Variants in BIN1 observed in about 807,000 individuals in gnomAD.
The protein encoded by BIN1 is myc box-dependent-interacting protein 1.
In BIN1, 53 loss-of-function variants were observed where a neutral mutation model predicts 82.0. The observed-to-expected ratio is 0.65, with a 90% CI of 0.52 to 0.81. The LOEUF (loss-of-function observed/expected upper bound fraction) is 0.81, where lower values mean the gene tolerates loss of function less well. Ranked by LOEUF, BIN1 falls within the 40% of genes least tolerant of loss-of-function variation. The pLI is 0.00. For synonymous variants in BIN1, 302 were observed against 328.0 expected, an observed-to-expected ratio of 0.92 and a Z score of 0.86; for missense variants, 642 against 784.4, an observed-to-expected ratio of 0.82 and a Z score of 2.17.
chr2:127,073,442 A>C (rs1042736363), intron 2 of BIN1, among the ~76,000 whole-genome samples: 2 of 152,174 alleles, frequency 1.3e-5, no homozygotes, highest in African/African-American at 4.8e-5. Flanking sequence ...CCTGTGTCCC[A>C]GCTACAGGAC....
intron 10 of BIN1, among the ~76,000 whole-genome samples, chr2:127,061,321 G>A (rs1236548694): frequency 6.6e-6 from 1 of 152,098 alleles, no homozygotes; most frequent in East Asian, 1.9e-4. Flanking sequence ...GGGAAGGAGG[G>A]GGCAATCACC....
Position 127,048,045 on chromosome 2 carries a change from CA to C in BIN1, c.*480del, listed in dbSNP as rs1208957246. On this transcript the variant is annotated 3_prime_UTR_variant, in exon 19 of 19. Transcript: ENST00000316724. ...ACACACGTTTTCTGAGAGTTTTTAT[CA>C]TTTTTTTTTTGTTTCATTTTGTTTT... is the stretch of plus-strand genomic sequence containing the variant. 3 of 195,804 alleles carry C rather than the reference CA, an allele frequency of 1.5e-5. No individual in the cohort carries two copies. The highest frequency in any genetic ancestry group is 2.4e-5 in the African/African-American group (1 of 41,824). The allele number at this position is 195,804 out of a possible 1,614,324, so 12.1% of individuals were successfully genotyped here. A position where few individuals can be genotyped will look rare whatever the true frequency, so the allele number is the denominator to read the frequency against.
rs17014893 is a variant in BIN1 at position 127,077,004 on chromosome 2, G to C, written c.85-298C>G. On this transcript the variant is annotated intron_variant, in intron 1 of 18. Transcript: ENST00000316724. Reference sequence around the variant, plus strand: ...GGCTTCAAAGATGGCAAGAAGGATCGGGCACCCTCCTAGCTGATCTCACAC... The same window carrying C: ...GGCTTCAAAGATGGCAAGAAGGATCCGGCACCCTCCTAGCTGATCTCACAC... 0.16 allele frequency among the ~76,000 whole-genome samples: 24,199 copies of C among 152,078 alleles called. 2,024 individuals carry two copies. The highest frequency in any genetic ancestry group is 0.25 in the South Asian group (1,185 of 4,814).
intron 18 of BIN1, among the ~76,000 whole-genome samples, chr2:127,049,673 C>A (rs763000268): frequency 4.6e-5 from 7 of 152,132 alleles, no homozygotes; most frequent in Non-Finnish European, 8.8e-5. Context: ...GCCCACATGG[C>A]ACCACCGACC....
rs1678781450 is a variant in BIN1 at position 127,090,510 on chromosome 2, C to G, written c.85-13804G>C. On this transcript the variant is annotated intron_variant, in intron 1 of 18. Coordinates refer to ENST00000316724, the MANE Select transcript of BIN1 (RefSeq NM_139343.3). The surrounding 1 kb of genome is among the most constrained non-coding windows in gnomAD (Gnocchi z 6.4). The stretch of plus-strand genomic sequence containing the variant: ...AGCCCTCCGCCCATCTGTCCCTCCA[C>G]ACAAGTGCGGGTGCTATTCTCAGCC... Among the ~76,000 whole-genome samples, 1 of 152,258 alleles carries G rather than the reference C, an allele frequency of 6.6e-6. No individual in the cohort carries two copies. Among genetic ancestry groups the G allele is most frequent in the South Asian group, 2.1e-4 (1 of 4,836 alleles).
rs1687414547 is a variant in BIN1, at chr2:127,082,402, TG to T, written c.85-5697del. On this transcript the variant is annotated intron_variant, in intron 1 of 18. Transcript: ENST00000316724. The surrounding 1 kb of genome is among the most constrained non-coding windows in gnomAD (Gnocchi z 6.1). ...TCCGTGGTCACAAGCTCTGAGGCCTTGCAGGCACTCAGCTGGGGATACCAGG... is the reference window on the plus strand; with the variant it reads ...TCCGTGGTCACAAGCTCTGAGGCCTTCAGGCACTCAGCTGGGGATACCAGG... 6.6e-6 allele frequency among the ~76,000 whole-genome samples: 1 copy of T among 152,082 alleles called. No individual in the cohort carries two copies. The highest frequency in any genetic ancestry group is 1.5e-5 in the Non-Finnish European group (1 of 67,996).
chr2:127,054,229 C>T (rs951057664), intron 12 of BIN1: 63 of 595,150 alleles, frequency 1.1e-4, no homozygotes, highest in Admixed American at 6.4e-4. Context: ...CAAAGCCACG[C>T]GCCCCGGCAC....
intron 14 of BIN1, chr2:127,052,772 G>T: frequency 3.6e-6 from 1 of 280,020 alleles, no homozygotes; most frequent in Non-Finnish European, 6.9e-6. Context: ...GTATCAGGGG[G>T]TCTCAGGGAC....
At chr2:127,096,283 T>C (rs891587139) in intron 1 of BIN1, among the ~76,000 whole-genome samples, 8 of 152,204 alleles carry the variant, frequency 5.3e-5, no homozygotes, top group Admixed American at 2.0e-4. Flanking sequence ...GGGGAGAGAA[T>C]GGCAGGGAAG....
rs554592744 is a variant in BIN1, at chr2:127,067,463, G to T, written c.612+700C>A. On this transcript the variant is annotated intron_variant, in intron 7 of 18. Transcript: ENST00000316724. The surrounding 1 kb of genome is among the most constrained non-coding windows in gnomAD (Gnocchi z 4.7). The stretch of plus-strand genomic sequence containing the variant: ...GATGGTGAGATGGCCCAGGAGTTTT[G>T]TAAAAAAGCCTCCTCCGGGAAGCCC... Among the ~76,000 whole-genome samples the T allele has an allele frequency of 1.4e-4, 22 of 152,296 alleles. No homozygotes were observed. The East Asian group carries it at 4.3e-3, about 29-fold the overall frequency.
chr2:127,070,064 G>A lies in BIN1; in HGVS notation c.342C>T (p.Tyr114=). Residue 114 remains tyrosine (Y), a synonymous_variant, in exon 5 of 19, where the codon TAC becomes TAT. Coordinates refer to ENST00000316724, the MANE Select transcript of BIN1 (RefSeq NM_139343.3). ...GCGCCTGGTCCACCAGCTTCTGGTG[G>A]TAATCCATCCACAGCAGGTCGTTGT... ...AENNDLLWMD[Y]HQKLVDQALL... 1 of 1,614,108 alleles carries A rather than the reference G, an allele frequency of 6.2e-7. No homozygotes were observed. The highest frequency in any genetic ancestry group is 1.3e-5 in the African/African-American group (1 of 75,062).
rs1681251847 is a variant in BIN1 at position 127,107,030 on chromosome 2, C to T, written c.-87G>A. 7.5e-7 allele frequency: 1 copy of T among 1,338,914 alleles called. No homozygotes were observed. The highest frequency in any genetic ancestry group is 9.7e-7 in the Non-Finnish European group (1 of 1,030,614). 82.9% of individuals were successfully genotyped at this position (1,338,914 alleles called of 1,614,324 possible). A position where few individuals can be genotyped will look rare whatever the true frequency, so the allele number is the denominator to read the frequency against. On this transcript the variant is annotated 5_prime_UTR_variant, in exon 1 of 19. Coordinates refer to ENST00000316724, the MANE Select transcript of BIN1 (RefSeq NM_139343.3). The surrounding 1 kb of genome is among the most constrained non-coding windows in gnomAD (Gnocchi z 5.9). ...CGCTCCCAGCCCCCAGCCCCGGCCG[C>T]GCGTCCAGACCGGCTGCCGCTCCAC...
At chr2:127,105,385 T>G (rs1680910022) in intron 1 of BIN1, among the ~76,000 whole-genome samples, 1 of 151,470 alleles carries the variant, frequency 6.6e-6, no homozygotes, top group South Asian at 2.1e-4. Flanking sequence ...GGAGCAGGGG[T>G]GGCTGCATCT....
intron 1 of BIN1, among the ~76,000 whole-genome samples, chr2:127,083,291 T>G (rs6754293): frequency 0.75 from 113,135 of 151,688 alleles, 42,463 homozygotes; most frequent in African/African-American, 0.79. Flanking sequence ...TGTTGCCCAG[T>G]TTTGTCTGGA....
chr2:127,092,090 C>T (rs1679009990), intron 1 of BIN1, among the ~76,000 whole-genome samples: 1 of 151,728 alleles, frequency 6.6e-6, no homozygotes, highest in South Asian at 2.1e-4. Context: ...ACCCCACATA[C>T]CACCCTCCAC....
chr2:127,106,774 C>T, intron 1 of BIN1, 86 bp downstream of exon 1: 1 of 1,485,626 alleles, frequency 6.7e-7, no homozygotes, highest in Non-Finnish European at 9.1e-7. Context: ...AAGGACCAGG[C>T]CCCGGGGTCG....
chr2:127,061,274 C>T (rs986121847), intron 10 of BIN1, among the ~76,000 whole-genome samples: 5 of 150,812 alleles, frequency 3.3e-5, no homozygotes, highest in Non-Finnish European at 7.4e-5. Context: ...CTCAGGTCAC[C>T]ATGGCCCCTC....
intron 2 of BIN1, among the ~76,000 whole-genome samples, chr2:127,074,959 C>A (rs1050295956): frequency 6.6e-6 from 1 of 152,178 alleles, no homozygotes; most frequent in South Asian, 2.1e-4. Flanking sequence ...CCTTGGCCCC[C>A]CAAAGTGCTG....
At chr2:127,085,948 A>T (rs1170759773) in intron 1 of BIN1, among the ~76,000 whole-genome samples, 1 of 152,206 alleles carries the variant, frequency 6.6e-6, no homozygotes, top group East Asian at 1.9e-4. Flanking sequence ...CTCCCTCCCC[A>T]TCAAATTCCT....
Sources: allele counts gnomAD v4.1 joint callset (sites outside exome capture counted in the v4.1 genomes callset), GRCh38; gene constraint gnomAD v4.1.1; non-coding constraint Gnocchi (gnomAD v3.1); transcripts MANE v1.5; gene names NCBI Gene and HGNC (gene_info 2026-07-23, HGNC 2026-07-21).